Variants in GRAMD4 observed in about 807,000 individuals in gnomAD.
The protein encoded by GRAMD4 is GRAM domain-containing protein 4.
In GRAMD4, 25 loss-of-function variants were observed where a neutral mutation model predicts 83.9. The ratio of observed to expected loss-of-function variants is 0.30; its 90% CI spans 0.22 to 0.42. The LOEUF is 0.42. GRAMD4 is among the 10% of genes least tolerant of loss of function. The pLI is 1.00. For missense variants in GRAMD4, 593 were observed against 788.7 expected, an observed-to-expected ratio of 0.75 and a Z score of 2.97; for synonymous variants, 336 against 320.9, an observed-to-expected ratio of 1.05 and a Z score of -0.50.
intron 17 of GRAMD4, among the ~76,000 whole-genome samples, chr22:46,676,016 C>A (rs1202556053): frequency 6.6e-6 from 1 of 152,236 alleles, no homozygotes; most frequent in South Asian, 2.1e-4. Context: ...CCCTTGTTTT[C>A]TGGGGCAGGG....
At chr22:46,606,877 T>C (rs1158853908) in intron 1 of GRAMD4, among the ~76,000 whole-genome samples, 3 of 152,262 alleles carry the variant, frequency 2.0e-5, no homozygotes, top group African/African-American at 7.2e-5. Context: ...CTCTTTGGAT[T>C]ATACCCAGAA....
upstream of GRAMD4, among the ~76,000 whole-genome samples, chr22:46,576,793 C>G (rs2337058): frequency 0.99 from 148,220 of 150,064 alleles, 73,212 homozygotes; most frequent in East Asian, 1. Context: ...GAGCGTGCTC[C>G]CGCGGGTGAG....
At chr22:46,639,763 C>T (rs988180655) in intron 3 of GRAMD4, among the ~76,000 whole-genome samples, 1 of 152,128 alleles carries the variant, frequency 6.6e-6, no homozygotes, top group East Asian at 1.9e-4. Context: ...TTCTTGGGCC[C>T]CTGAGGACTG....
At chr22:46,658,393 A>T in intron 4 of GRAMD4, 86 bp downstream of exon 4, 1 of 1,193,388 alleles carries the variant, frequency 8.4e-7, no homozygotes, top group South Asian at 1.4e-5. Context: ...TGCTGCACCC[A>T]TAGCGTCTTG....
chr22:46,678,120 G>A lies in GRAMD4; in HGVS notation c.*869G>A, dbSNP rs1330733030. 1.0e-6 allele frequency: 1 copy of A among 985,522 alleles called. No homozygotes were observed. The highest frequency in any genetic ancestry group is 1.2e-6 in the Non-Finnish European group (1 of 830,064). The allele number at this position is 985,522 out of a possible 1,614,324, so 61.0% of individuals were successfully genotyped here. On this transcript the variant is annotated 3_prime_UTR_variant, in exon 19 of 19. Transcript: ENST00000406902. ...CAGGAGAACATCCGCGAAGGCTGTT[G>A]GAGGTGCTCCGAGCACTGTGGCATG...
At chr22:46,657,035 C>T (rs2082254234) in intron 3 of GRAMD4, among the ~76,000 whole-genome samples, 2 of 152,232 alleles carry the variant, frequency 1.3e-5, no homozygotes, top group Admixed American at 6.5e-5. Context: ...CAAGCCACTG[C>T]TGCCCCGTAA....
rs1002827022 is a variant in GRAMD4, at chr22:46,638,240, G to A, written c.283+280G>A. Among the ~76,000 whole-genome samples, 33 of 152,188 alleles carry A rather than the reference G, an allele frequency of 2.2e-4. 2 individuals are homozygous for A. The highest frequency in any genetic ancestry group is 7.2e-4 in the Admixed American group (11 of 15,300). On this transcript the variant is annotated intron_variant, in intron 3 of 18. Coordinates refer to ENST00000406902, the MANE Select transcript of GRAMD4 (RefSeq NM_015124.5). ...GGGGGCGTGGGGGCCTTTCCCCTGC[G>A]GGGTAAAGGAGAGTCTCTGGGGAAA...
At chr22:46,675,650 C>G in intron 17 of GRAMD4, 98 bp downstream of exon 17, 2 of 831,140 alleles carry the variant, frequency 2.4e-6, no homozygotes, top group Non-Finnish European at 4.2e-6. Flanking sequence ...CAGCCTCTGT[C>G]AGCATCTGGG....
At chr22:46,668,511 G>A (rs1293886530) in intron 11 of GRAMD4, among the ~76,000 whole-genome samples, 178 bp from the exon 12 acceptor site, 5 of 152,120 alleles carry the variant, frequency 3.3e-5, no homozygotes, top group Admixed American at 2.0e-4. Flanking sequence ...TGCTGTGAGC[G>A]TGGCCACCTC....
At chr22:46,626,255 G>T (rs1387370859) in intron 1 of GRAMD4, among the ~76,000 whole-genome samples, 1 of 152,262 alleles carries the variant, frequency 6.6e-6, no homozygotes, top group African/African-American at 2.4e-5. Flanking sequence ...CTGCCGTCCT[G>T]GTGGTGTATG....
At chr22:46,638,002 G>A in intron 3 of GRAMD4, 42 bp downstream of exon 3, 1 of 1,602,420 alleles carries the variant, frequency 6.2e-7, no homozygotes, top group Non-Finnish European at 8.5e-7. Context: ...GACAAGGTGG[G>A]TCAGGGGTGG....
intron 13 of GRAMD4, among the ~76,000 whole-genome samples, chr22:46,669,380 C>G (rs555229058): frequency 6.8e-6 from 1 of 147,616 alleles, no homozygotes; most frequent in Non-Finnish European, 1.5e-5. Flanking sequence ...GAGCTGGCGG[C>G]GGGGAAGGAG....
chr22:46,636,650 G>A (rs1425535849), intron 2 of GRAMD4, among the ~76,000 whole-genome samples: 1 of 152,258 alleles, frequency 6.6e-6, no homozygotes, highest in Non-Finnish European at 1.5e-5. Context: ...GAGAAATCGG[G>A]TCGCTGCTGT....
At chr22:46,640,636 G>A (rs2081960946) in intron 3 of GRAMD4, among the ~76,000 whole-genome samples, 1 of 152,132 alleles carries the variant, frequency 6.6e-6, no homozygotes, top group African/African-American at 2.4e-5. Flanking sequence ...CAGCCTGTGG[G>A]GTGGTGAGCA....
At chr22:46,656,533 C>G (rs1192429975) in intron 3 of GRAMD4, among the ~76,000 whole-genome samples, 1 of 152,210 alleles carries the variant, frequency 6.6e-6, no homozygotes, top group African/African-American at 2.4e-5. Context: ...GTTTTGGAGT[C>G]TTAGGTATGG....
chr22:46,615,559 C>A (rs1384037730), upstream of GRAMD4, among the ~76,000 whole-genome samples: 5 of 143,886 alleles, frequency 3.5e-5, no homozygotes, highest in Non-Finnish European at 1.5e-5. Flanking sequence ...GTAGGTTCCC[C>A]TGTGCGTGTA....
At chr22:46,629,999 A>G (rs933022242) in intron 2 of GRAMD4, among the ~76,000 whole-genome samples, 2 of 151,036 alleles carry the variant, frequency 1.3e-5, no homozygotes, top group Non-Finnish European at 2.9e-5. Context: ...CTGTTTCATC[A>G]TATGGCCAGG....
chr22:46,608,640 C>T (rs2081388173), intron 1 of GRAMD4, among the ~76,000 whole-genome samples: 1 of 152,182 alleles, frequency 6.6e-6, no homozygotes. Flanking sequence ...GATTGCATTA[C>T]TGTACTACAG....
intron 2 of GRAMD4, among the ~76,000 whole-genome samples, chr22:46,631,985 G>A (rs999796744): frequency 2.6e-5 from 4 of 152,006 alleles, no homozygotes; most frequent in Non-Finnish European, 5.9e-5. Flanking sequence ...CGTCTCCTGG[G>A]GACCGGGGAT....
Sources: gnomAD v4.1 joint callset for allele counts (sites outside exome capture counted in the v4.1 genomes callset) on GRCh38, gnomAD v4.1.1 for gene constraint, MANE v1.5 for transcripts, NCBI Gene and HGNC (gene_info 2026-07-23, HGNC 2026-07-21) for gene names.